The following HTT variants were observed in gnomAD, a reference collection of about 807,000 sequenced individuals.
HTT encodes huntington disease protein.
Under a neutral mutation model 362.3 loss-of-function variants are expected in HTT, and 104 were observed. The ratio of observed to expected loss-of-function variants is 0.29; its 90% CI spans 0.24 to 0.34. The LOEUF is 0.34. Among genes scored for constraint, HTT ranks in the 10% least tolerant of loss-of-function variants. The probability of loss-of-function intolerance (pLI) is 1.00; values close to 1 mark genes in which losing one functional copy is unlikely to be tolerated. For synonymous variants in HTT, 1,577 were observed against 1,548.7 expected, an observed-to-expected ratio of 1.02 and a Z score of -0.43; for missense variants, 3,301 against 3,928.6, an observed-to-expected ratio of 0.84 and a Z score of 4.27.
At position 3,220,345 on chromosome 4, in the gene HTT, G is replaced by A. The variant is rs201692791; in HGVS notation, c.7369+37G>A. 92 of 1,596,830 alleles carry A rather than the reference G, an allele frequency of 5.8e-5. No homozygotes were observed. The East Asian group carries it at 1.9e-3, about 33-fold the overall frequency. On this transcript the variant is annotated intron_variant, in intron 53 of 66. Coordinates refer to ENST00000355072, the MANE Select transcript of HTT (RefSeq NM_001388492.1). Reference sequence around the variant, plus strand: ...GCCTCTCCTTCAGGTCACCATTGTCGGACATCTACCGGGAGGAAATCCAGA... The same window carrying A: ...GCCTCTCCTTCAGGTCACCATTGTCAGACATCTACCGGGAGGAAATCCAGA...
intron 6 of HTT, among the ~76,000 whole-genome samples, chr4:3,110,711 C>T (rs758711036): frequency 5.9e-5 from 9 of 152,168 alleles, no homozygotes; most frequent in Admixed American, 2.0e-4. Flanking sequence ...AAATCTCCAA[C>T]GTGACCCGAT....
In HTT at chr4:3,199,755, G is replaced by T. The variant is rs201422844; in HGVS notation, c.5392G>T (p.Ala1798Ser). 1 of 1,614,030 alleles carries T rather than the reference G, an allele frequency of 6.2e-7. No individual in the cohort carries two copies. The change falls in exon 41 of 67, where the codon GCT (alanine) becomes TCT (serine). Residue 1798 changes from alanine (A) to serine (S), a missense_variant. Physicochemically the swap from Ala to Ser is moderately conservative, Grantham distance 99 (BLOSUM62 1). Around this residue, in one of 4 missense-constraint regions of HTT, gnomAD observed 2,316 missense variants for 2,658.5 expected, o/e 0.87. Transcript: ENST00000355072. Reference sequence around the variant, plus strand: ...AGGAATGTTCCGGAGAATCACAGCAGCTGCCACTAGGCTGTTCCGCAGTGA... The same window carrying T: ...AGGAATGTTCCGGAGAATCACAGCATCTGCCACTAGGCTGTTCCGCAGTGA... ...KSGMFRRITA[A>S]ATRLFRSDGC... is the part of the protein sequence containing the mutation.
chr4:3,131,944 T>C (rs1715838858), intron 16 of HTT, among the ~76,000 whole-genome samples, 169 bp downstream of exon 16: 1 of 152,240 alleles, frequency 6.6e-6, no homozygotes, highest in African/African-American at 2.4e-5. Flanking sequence ...GTTCTTTGTT[T>C]CATGGGTTCC....
intron 2 of HTT, 101 bp from the exon 3 acceptor site, chr4:3,099,173 T>C (rs181218188): frequency 6.8e-6 from 5 of 739,322 alleles, no homozygotes; most frequent in Non-Finnish European, 1.1e-5. Context: ...ATGTCCTTTT[T>C]CTGTTCCAGA....
intron 41 of HTT, among the ~76,000 whole-genome samples, chr4:3,203,363 A>G (rs1719679960): frequency 1.3e-5 from 2 of 152,196 alleles, no homozygotes; most frequent in South Asian, 4.1e-4. Flanking sequence ...GCTCGGTCAG[A>G]CCCTGAAGGT....
chr4:3,177,459 G>T, intron 34 of HTT, 72 bp downstream of exon 34: 1 of 1,026,954 alleles, frequency 9.7e-7, no homozygotes, highest in Non-Finnish European at 1.4e-6. Flanking sequence ...GTTATTAAGT[G>T]AATGTTTAAA....
At position 3,152,766 on chromosome 4, in the gene HTT, C is replaced by T. The variant is rs370948963; in HGVS notation, c.3499-1527C>T. Reference sequence around the variant, plus strand: ...GGTTCAAGCGATTCTCCTGCCTCAGCCTCCCGAGTGGCTGGGACTACAGGC... The same window carrying T: ...GGTTCAAGCGATTCTCCTGCCTCAGTCTCCCGAGTGGCTGGGACTACAGGC... On this transcript the variant is annotated intron_variant, in intron 26 of 66. Transcript: ENST00000355072. Among the ~76,000 whole-genome samples, 43 of 151,780 alleles carry T rather than the reference C, an allele frequency of 2.8e-4. No individual in the cohort carries two copies. In the East Asian group the frequency reaches 7.2e-3, roughly 25 times the overall value.
intron 3 of HTT, 57 bp downstream of exon 3, chr4:3,099,451 A>G: frequency 6.2e-7 from 1 of 1,603,530 alleles, no homozygotes; most frequent in Non-Finnish European, 8.5e-7. Context: ...AGGCTGAGAG[A>G]AGAAGCGATC....
At chr4:3,165,930 C>T (rs1229526825) in intron 29 of HTT, among the ~76,000 whole-genome samples, 1 of 152,152 alleles carries the variant, frequency 6.6e-6, no homozygotes, top group Non-Finnish European at 1.5e-5. Flanking sequence ...CAAACTCATT[C>T]TCCATCCAGT....
In HTT at chr4:3,174,872, C is replaced by G. The variant is rs772392713; in HGVS notation, c.4245+73C>G. 2.6e-6 allele frequency: 4 copies of G among 1,559,630 alleles called. No individual in the cohort carries two copies. In the Admixed American group the frequency reaches 5.2e-5, roughly 20 times the overall value. ...GAGAGGAAACTGGAGCTGAGACTTT[C>G]CAGGTATTTTGCTTGAAGCTTTTAG... On this transcript the variant is annotated intron_variant, in intron 32 of 66. Transcript: ENST00000355072.
chr4:3,154,019 G>T (rs983776532), intron 26 of HTT, among the ~76,000 whole-genome samples: 29 of 152,200 alleles, frequency 1.9e-4, no homozygotes, highest in Non-Finnish European at 3.2e-4. Context: ...GGGCCTGGGG[G>T]CTCCCTGAGG....
At chr4:3,075,551 G>A (rs1000216512) in intron 1 of HTT, among the ~76,000 whole-genome samples, 2 of 151,818 alleles carry the variant, frequency 1.3e-5, no homozygotes, top group Non-Finnish European at 2.9e-5. Flanking sequence ...CTGGGGGCGC[G>A]GGACACTTCG....
chr4:3,212,718 C>G lies in HTT; in HGVS notation c.6774+9C>G, dbSNP rs1284527592. On this transcript the variant is annotated intron_variant, in intron 49 of 66. Coordinates refer to ENST00000355072, the MANE Select transcript of HTT (RefSeq NM_001388492.1). The stretch of plus-strand genomic sequence containing the variant: ...TGGTGGCAACCCTTGAGGTAAGAGG[C>G]AGCTCGGGAGCTCAGTGTTGCTGTG... 2 of 1,614,076 alleles carry G rather than the reference C, an allele frequency of 1.2e-6. No individual in the cohort carries two copies. Among genetic ancestry groups the G allele is most frequent in the Non-Finnish European group, 1.7e-6 (2 of 1,179,942 alleles).
At chr4:3,171,143 A>C (rs1297614611) in intron 29 of HTT, among the ~76,000 whole-genome samples, 1 of 152,240 alleles carries the variant, frequency 6.6e-6, no homozygotes, top group Non-Finnish European at 1.5e-5. Context: ...TAGTAAAAAC[A>C]AAAAGTGGTG....
At chr4:3,115,853 G>A (rs1195288582) in intron 7 of HTT, among the ~76,000 whole-genome samples, 1 of 152,224 alleles carries the variant, frequency 6.6e-6, no homozygotes, top group African/African-American at 2.4e-5. Flanking sequence ...ATGTGGACGT[G>A]CGATATGAAA....
Position 3,122,751 on chromosome 4 carries a change from C to A in HTT, c.1274-138C>A. On this transcript the variant is annotated intron_variant, in intron 9 of 66. Coordinates refer to ENST00000355072, the MANE Select transcript of HTT (RefSeq NM_001388492.1). Reference sequence around the variant, plus strand: ...ATATTGAAATTAAAATGTTGAACTGCGATGTTAAGTGTTTCCTGTGGAAAA... The same window carrying A: ...ATATTGAAATTAAAATGTTGAACTGAGATGTTAAGTGTTTCCTGTGGAAAA... The A allele has an allele frequency of 5.0e-6, 3 of 596,646 alleles. 1 individual carries two copies. In the South Asian group the frequency reaches 7.0e-5, roughly 14 times the overall value. 37.0% of individuals were successfully genotyped at this position (596,646 alleles called of 1,614,324 possible). A position where few individuals can be genotyped will look rare whatever the true frequency, so the allele number is the denominator to read the frequency against.
intron 40 of HTT, among the ~76,000 whole-genome samples, chr4:3,190,917 T>G (rs1277139646): frequency 5.3e-5 from 8 of 152,170 alleles, no homozygotes; most frequent in African/African-American, 1.7e-4. Context: ...AGAAAGGCAA[T>G]TCTAATTTCT....
At chr4:3,106,896 C>G (rs1212751537) in intron 5 of HTT, among the ~76,000 whole-genome samples, 1 of 152,242 alleles carries the variant, frequency 6.6e-6, no homozygotes, top group Non-Finnish European at 1.5e-5. Context: ...ACACATTCGG[C>G]TTTTCTTCTC....
In HTT at chr4:3,130,065, G is replaced by A. The variant is rs1181278777; in HGVS notation, c.1867+18G>A. ...TTCCATGGGTATGTGGACTACAGGT[G>A]ATGCGCTACAAAGTGGTTTGTATTC... On this transcript the variant is annotated intron_variant, in intron 13 of 66. Transcript: ENST00000355072. 1 of 1,578,504 alleles carries A rather than the reference G, an allele frequency of 6.3e-7. No homozygotes were observed. Among genetic ancestry groups the A allele is most frequent in the East Asian group, 2.2e-5 (1 of 44,526 alleles).
Sources: allele counts gnomAD v4.1 joint callset (sites outside exome capture counted in the v4.1 genomes callset), GRCh38; gene constraint gnomAD v4.1.1; regional missense constraint gnomAD v4.1.1; transcripts MANE v1.5; gene names NCBI Gene and HGNC (gene_info 2026-07-23, HGNC 2026-07-21).